The following CCSER1 variants were observed in gnomAD, a reference collection of about 807,000 sequenced individuals.
CCSER1 encodes serine-rich coiled-coil domain-containing protein 1.
CCSER1 carries 41 observed loss-of-function variants against 82.0 expected under a neutral mutation model. That is an observed-to-expected ratio of 0.50 (90% CI 0.39 to 0.65). CCSER1 has a LOEUF of 0.65. CCSER1 is among the 30% of genes least tolerant of loss of function. The pLI is 0.00. For missense variants in CCSER1, 1,119 were observed against 1,064.2 expected, an observed-to-expected ratio of 1.05 and a Z score of -0.72; for synonymous variants, 414 against 383.9, an observed-to-expected ratio of 1.08 and a Z score of -0.92.
At chr4:91,494,105 C>T (rs951724491) in intron 10 of CCSER1, among the ~76,000 whole-genome samples, 1 of 151,856 alleles carries the variant, frequency 6.6e-6, no homozygotes, top group African/African-American at 2.4e-5. Context: ...AAGGTGCCAT[C>T]TTCTAAGTAA....
chr4:90,867,446 G>C (rs1325487360), intron 8 of CCSER1, among the ~76,000 whole-genome samples: 3 of 152,058 alleles, frequency 2.0e-5, no homozygotes, highest in Admixed American at 2.0e-4. Flanking sequence ...GGATATGTAA[G>C]ATATTTTGTT....
chr4:90,996,158 C>A (rs140705736), intron 9 of CCSER1, among the ~76,000 whole-genome samples: 353 of 152,128 alleles, frequency 2.3e-3, no homozygotes, highest in African/African-American at 7.3e-3. Flanking sequence ...TGAGCACATG[C>A]ACTAATATAA....
chr4:90,448,051 C>T (rs1760900872), intron 4 of CCSER1, among the ~76,000 whole-genome samples: 1 of 152,148 alleles, frequency 6.6e-6, no homozygotes, highest in East Asian at 1.9e-4. Flanking sequence ...CCACCCTTCC[C>T]CTGAGGGCAT....
At chr4:90,510,575 A>G (rs913664588) in intron 5 of CCSER1, among the ~76,000 whole-genome samples, 1 of 152,240 alleles carries the variant, frequency 6.6e-6, no homozygotes, top group Non-Finnish European at 1.5e-5. Flanking sequence ...CTTTTCCATG[A>G]CACTATTGCA....
At chr4:90,918,634 G>GATATATATATATATAT (rs1363853552) in intron 8 of CCSER1, among the ~76,000 whole-genome samples, 1,845 of 148,718 alleles carry the variant, frequency 0.012, 23 homozygotes, top group East Asian at 0.02. Flanking sequence ...GCTCATTCAA[G>GATATATATATATATAT]AGAGATATAT....
intron 1 of CCSER1, among the ~76,000 whole-genome samples, chr4:90,204,934 T>C (rs1244440690): frequency 6.6e-6 from 1 of 152,192 alleles, no homozygotes; most frequent in Non-Finnish European, 1.5e-5. Flanking sequence ...TATTCCTAGG[T>C]ATTTAATTCT....
At chr4:91,450,308 T>G (rs1326010966) in intron 10 of CCSER1, among the ~76,000 whole-genome samples, 1 of 151,932 alleles carries the variant, frequency 6.6e-6, no homozygotes, top group Non-Finnish European at 1.5e-5. Context: ...AAAAAAACCA[T>G]CAAAACAAGC....
In CCSER1 at chr4:91,598,828, T is replaced by C. The variant is rs1233922044; in HGVS notation, c.2474T>C (p.Val825Ala). The C allele has an allele frequency of 1.3e-6, 2 of 1,551,634 alleles. No homozygotes were observed. The highest frequency in any genetic ancestry group is 1.7e-6 in the Non-Finnish European group (2 of 1,146,926). ...SDVTQNLRAT[V>A]GQSSLKPTAK... is the part of the protein sequence containing the mutation. ...GTTACACAGAACTTACGGGCCACCG[T>C]TGGGCAGAGCTCTCTGAAGCCAACA... Residue 825 changes from valine to alanine, a missense_variant, in exon 11 of 11, where the codon GTT becomes GCT. Val to Ala is a moderately conservative substitution (Grantham distance 64). Transcript: ENST00000509176.
At chr4:91,159,908 T>A (rs1013603591) in intron 10 of CCSER1, among the ~76,000 whole-genome samples, 1 of 151,940 alleles carries the variant, frequency 6.6e-6, no homozygotes, top group Non-Finnish European at 1.5e-5. Flanking sequence ...CTAACTTTTT[T>A]TTATTATACT....
At chr4:90,812,635 C>A (rs537061397) in intron 7 of CCSER1, among the ~76,000 whole-genome samples, 13 of 152,156 alleles carry the variant, frequency 8.5e-5, no homozygotes, top group African/African-American at 3.1e-4. Flanking sequence ...ATTTTCACAC[C>A]ACTATAAAGA....
intron 1 of CCSER1, among the ~76,000 whole-genome samples, chr4:90,244,896 A>C: frequency 6.6e-6 from 1 of 152,168 alleles, no homozygotes; most frequent in Admixed American, 6.5e-5. Context: ...AGGTGAATAG[A>C]AAATGAGCTT....
intron 8 of CCSER1, among the ~76,000 whole-genome samples, chr4:90,818,910 A>G (rs1439221725): frequency 2.0e-5 from 3 of 152,196 alleles, no homozygotes; most frequent in African/African-American, 7.2e-5. Context: ...CAAGAGATGC[A>G]CCTTTCCTTG....
chr4:90,723,721 C>G (rs1423963114), intron 6 of CCSER1, among the ~76,000 whole-genome samples, 193 bp from the exon 7 acceptor site: 1 of 151,470 alleles, frequency 6.6e-6, no homozygotes, highest in Admixed American at 6.6e-5. Flanking sequence ...GACTAATTTC[C>G]CAGATAATCA....
chr4:90,429,591 C>G (rs1049017242), intron 4 of CCSER1, among the ~76,000 whole-genome samples: 1 of 151,700 alleles, frequency 6.6e-6, no homozygotes, highest in Non-Finnish European at 1.5e-5. Flanking sequence ...AAAATATTGT[C>G]AGAAAACTGT....
At chr4:91,532,244 C>G (rs1056998084) in intron 10 of CCSER1, among the ~76,000 whole-genome samples, 2 of 152,116 alleles carry the variant, frequency 1.3e-5, no homozygotes, top group African/African-American at 4.8e-5. Flanking sequence ...AAGGCTTAAA[C>G]TATTGTTTTC....
intron 9 of CCSER1, among the ~76,000 whole-genome samples, chr4:91,057,378 A>G (rs182153842): frequency 3.2e-4 from 49 of 152,254 alleles, no homozygotes; most frequent in Admixed American, 1.0e-3. Context: ...GGGCTGAAAG[A>G]TTCCTGGTGT....
intron 1 of CCSER1, among the ~76,000 whole-genome samples, chr4:90,262,070 A>C (rs7682617): frequency 0.65 from 99,194 of 151,462 alleles, 34,901 homozygotes; most frequent in African/African-American, 0.91. Flanking sequence ...GCTTAATAAT[A>C]AACCTTCTGA....
chr4:91,571,646 T>A (rs1206111761), intron 10 of CCSER1, among the ~76,000 whole-genome samples: 1 of 152,164 alleles, frequency 6.6e-6, no homozygotes, highest in Non-Finnish European at 1.5e-5. Flanking sequence ...TTCAGTTGCC[T>A]CCCACTGGGT....
intron 10 of CCSER1, among the ~76,000 whole-genome samples, chr4:91,203,879 A>G (rs1425506517): frequency 6.6e-6 from 1 of 151,914 alleles, no homozygotes; most frequent in East Asian, 1.9e-4. Flanking sequence ...AGAGTTTAAT[A>G]GTGATTAGTA....
Sources: allele counts gnomAD v4.1 joint callset (sites outside exome capture counted in the v4.1 genomes callset), GRCh38; gene constraint gnomAD v4.1.1; transcripts MANE v1.5; gene names NCBI Gene and HGNC (gene_info 2026-07-23, HGNC 2026-07-21).